The following FBN1 variants were observed in gnomAD, a reference collection of about 807,000 sequenced individuals.
FBN1 encodes the protein fibrillin-1.
A neutral mutation model predicts 365.1 loss-of-function variants in FBN1; 29 were observed. That is an observed-to-expected ratio of 0.08 (90% CI 0.06 to 0.11). The LOEUF (loss-of-function observed/expected upper bound fraction) is 0.11. FBN1 is among the 10% of genes least tolerant of loss of function. The probability of loss-of-function intolerance (pLI) is 1.00; values close to 1 mark genes in which losing one functional copy is unlikely to be tolerated. For missense variants in FBN1, 2,476 were observed against 3,703.2 expected, an observed-to-expected ratio of 0.67 and a Z score of 8.60; for synonymous variants, 1,210 against 1,270.5, an observed-to-expected ratio of 0.95 and a Z score of 1.01.
intron 2 of FBN1, among the ~76,000 whole-genome samples, chr15:48,637,054 G>C (rs1890107405): frequency 6.6e-6 from 1 of 152,128 alleles, no homozygotes. Flanking sequence ...ATGGAGGTGG[G>C]AGCATTCTAG....
At chr15:48,607,535 A>T (rs1274630218) in intron 4 of FBN1, among the ~76,000 whole-genome samples, 1 of 151,298 alleles carries the variant, frequency 6.6e-6, no homozygotes, top group African/African-American at 2.4e-5. Flanking sequence ...TATAAAAAAA[A>T]AAGGCCTGGG....
intron 43 of FBN1, among the ~76,000 whole-genome samples, chr15:48,459,363 C>T (rs549107049): frequency 1.6e-4 from 24 of 152,288 alleles, no homozygotes; most frequent in Non-Finnish European, 2.5e-4. Flanking sequence ...TTTCTTTGGA[C>T]GTGGACGAGA....
intron 31 of FBN1, among the ~76,000 whole-genome samples, 167 bp downstream of exon 31, chr15:48,483,651 C>A (rs2043483346): frequency 1.3e-5 from 2 of 152,210 alleles, no homozygotes; most frequent in African/African-American, 4.8e-5. Context: ...TTAATAGCCA[C>A]AAGAAAGCTC....
chr15:48,628,886 A>G (rs1889934777), intron 2 of FBN1, among the ~76,000 whole-genome samples: 1 of 152,208 alleles, frequency 6.6e-6, no homozygotes. Flanking sequence ...GGAAGGACAC[A>G]TACCACTTAT....
chr15:48,588,075 A>G (rs1473851315), intron 6 of FBN1, among the ~76,000 whole-genome samples: 2 of 152,186 alleles, frequency 1.3e-5, no homozygotes, highest in African/African-American at 2.4e-5. Context: ...TAAAGTTTGG[A>G]TATGTATTAC....
At chr15:48,423,023 C>T (rs1194476056) in intron 60 of FBN1, among the ~76,000 whole-genome samples, 1 of 152,172 alleles carries the variant, frequency 6.6e-6, no homozygotes, top group East Asian at 1.9e-4. Flanking sequence ...CATTGTTTCC[C>T]ACATCTCAAT....
At chr15:48,492,325 TGGACCCTATC>T (rs2043566874) in intron 24 of FBN1, 126 bp downstream of exon 24, 8 of 788,452 alleles carry the variant, frequency 1.0e-5, no homozygotes, top group Non-Finnish European at 1.7e-5. Context: ...GGAGTGGCCA[TGGACCCTATC>T]GGACATGCTG....
At chr15:48,433,078 A>G in intron 54 of FBN1, 90 bp from the exon 55 acceptor site, 2 of 1,448,054 alleles carry the variant, frequency 1.4e-6, no homozygotes, top group Middle Eastern at 1.7e-4. Flanking sequence ...AACTTTACCA[A>G]AAGTTGCAAT....
At chr15:48,420,954 A>G (rs1322019035) in intron 62 of FBN1, 148 bp from the exon 63 acceptor site, 1 of 887,614 alleles carries the variant, frequency 1.1e-6, no homozygotes, top group African/African-American at 1.7e-5. Flanking sequence ...AACTGCTGCT[A>G]AGTCCAAGGA....
At chr15:48,492,704 T>C (rs1350283623) in intron 23 of FBN1, 118 bp from the exon 24 acceptor site, 3 of 867,194 alleles carry the variant, frequency 3.5e-6, no homozygotes, top group South Asian at 1.7e-5. Flanking sequence ...TAAAACTAGT[T>C]TGCCTACAAG....
intron 19 of FBN1, 35 bp downstream of exon 19, chr15:48,497,230 CA>C: frequency 6.2e-7 from 1 of 1,613,640 alleles, no homozygotes. Flanking sequence ...ATGCATTATG[CA>C]GGCAATGTTT....
At chr15:48,625,835 T>C (rs897257974) in intron 2 of FBN1, among the ~76,000 whole-genome samples, 2 of 147,978 alleles carry the variant, frequency 1.4e-5, no homozygotes, top group East Asian at 3.9e-4. Context: ...ATTACCAGCG[T>C]TTTTTTTGTG....
chr15:48,472,735 AGG>A, intron 34 of FBN1, 59 bp from the exon 35 acceptor site: 1 of 1,612,858 alleles, frequency 6.2e-7, no homozygotes, highest in Non-Finnish European at 8.5e-7. Context: ...CTAATTCCTC[AGG>A]TCTATCAACT....
In FBN1 at chr15:48,412,629, G is replaced by C. The variant is rs182973790; in HGVS notation, c.8166C>G (p.Gly2722=). 1 of 1,614,246 alleles carries C rather than the reference G, an allele frequency of 6.2e-7. No individual in the cohort carries two copies. The change falls in exon 65 of 66, where the codon GGC becomes GGG. Residue 2722 remains glycine (G), a synonymous_variant. Transcript: ENST00000316623. Reference sequence around the variant, plus strand: ...TCCGTTTCCTGCCCCGTTTGGGGTAGCCATTGATCTTACACTCGTAACAAG... The same window carrying C: ...TCCGTTTCCTGCCCCGTTTGGGGTACCCATTGATCTTACACTCGTAACAAG... ...PEACYECKIN[G]YPKRGRKRRS...
At chr15:48,484,660 C>T (rs1348574388) in intron 30 of FBN1, among the ~76,000 whole-genome samples, 1 of 152,134 alleles carries the variant, frequency 6.6e-6, no homozygotes, top group African/African-American at 2.4e-5. Flanking sequence ...TGTAAGCCAC[C>T]GTGCCTGGCC....
rs572322062 is a variant in FBN1 at position 48,466,455 on chromosome 15, C to T, written c.4748-597G>A. Among the ~76,000 whole-genome samples the T allele has an allele frequency of 1.5e-3, 229 of 152,320 alleles. 1 individual carries two copies. Among genetic ancestry groups the T allele is most frequent in the African/African-American group, 5.2e-3 (216 of 41,572 alleles). On this transcript the variant is annotated intron_variant, in intron 38 of 65. Coordinates refer to ENST00000316623, the MANE Select transcript of FBN1 (RefSeq NM_000138.5). ...GGGTTTCCCCCATTAATTCTTTCAT[C>T]CAAGTATTTTACCCAGAAACATTTA... is the stretch of plus-strand genomic sequence containing the variant.
chr15:48,461,652 A>C (rs2043281106), intron 42 of FBN1, among the ~76,000 whole-genome samples: 1 of 152,172 alleles, frequency 6.6e-6, no homozygotes, highest in Admixed American at 6.6e-5. Flanking sequence ...GTACCACCTA[A>C]AGTTGTAAAG....
intron 46 of FBN1, among the ~76,000 whole-genome samples, chr15:48,447,993 T>C (rs2043172122): frequency 6.6e-6 from 1 of 152,166 alleles, no homozygotes; most frequent in African/African-American, 2.4e-5. Flanking sequence ...AGGATCATCA[T>C]AGCTTTTACA....
At chr15:48,420,933 C>A (rs2141221029) in intron 62 of FBN1, 127 bp from the exon 63 acceptor site, 1 of 1,058,796 alleles carries the variant, frequency 9.4e-7, no homozygotes, top group East Asian at 2.5e-5. Flanking sequence ...CTTCAAGAAT[C>A]TCTCTTCTGG....
Sources: allele counts gnomAD v4.1 joint callset (sites outside exome capture counted in the v4.1 genomes callset), GRCh38; gene constraint gnomAD v4.1.1; transcripts MANE v1.5; gene names NCBI Gene and HGNC (gene_info 2026-07-23, HGNC 2026-07-21).